DNAH12: variants seen among roughly 807,000 people sequenced by gnomAD.
The protein encoded by DNAH12 is axonemal beta dynein heavy chain 12.
DNAH12 carries 285 observed loss-of-function variants against 371.5 expected under a neutral mutation model. The observed-to-expected ratio is 0.77, with a 90% CI of 0.70 to 0.85. DNAH12 has a LOEUF of 0.85. Among genes scored for constraint, DNAH12 ranks in the 40% least tolerant of loss-of-function variants. DNAH12 has a pLI of 0.00. For missense variants in DNAH12, 3,611 were observed against 3,689.4 expected (o/e 0.98, Z 0.55); for synonymous variants, 1,200 against 1,213.0 (o/e 0.99, Z 0.22).
intron 2 of DNAH12, among the ~76,000 whole-genome samples, chr3:57,541,045 CT>C (rs2069259588): frequency 4.6e-5 from 7 of 151,208 alleles, no homozygotes; most frequent in African/African-American, 1.7e-4. Flanking sequence ...CTCCCCCTCC[CT>C]TTTATTTTTT....
intron 62 of DNAH12, among the ~76,000 whole-genome samples, chr3:57,327,675 C>T (rs2061983870): frequency 6.6e-6 from 1 of 151,702 alleles, no homozygotes; most frequent in South Asian, 2.1e-4. Context: ...CAAACACATT[C>T]AAAAGCTAGC....
In DNAH12 at chr3:57,457,803, C is replaced by T. The variant is rs118005324; in HGVS notation, c.3254G>A (p.Arg1085Gln). The T allele has an allele frequency of 1.7e-4, 264 of 1,551,444 alleles. No homozygotes were observed. Among genetic ancestry groups the T allele is most frequent in the African/African-American group, 2.3e-4 (17 of 73,014 alleles). ...AATGAGCCACTTTTCCACAGCACCC[C>T]GCGCTGCAGACGTGGAAATGAGTGC... is the stretch of plus-strand genomic sequence containing the variant. ...LIALISTSAA[R>Q]GAVEKWLIQV... The change falls in exon 22 of 74, where the codon CGG becomes CAG. Residue 1085 changes from arginine to glutamine, a missense_variant. Transcript: ENST00000495027.
chr3:57,421,696 A>G lies in DNAH12; in HGVS notation c.5384T>C (p.Ile1795Thr). 2 of 1,551,642 alleles carry G rather than the reference A, an allele frequency of 1.3e-6. No individual in the cohort carries two copies. Among genetic ancestry groups the G allele is most frequent in the Non-Finnish European group, 1.7e-6 (2 of 1,146,966 alleles). Residue 1795 changes from isoleucine to threonine, a missense_variant, in exon 36 of 74, where the codon ATA becomes ACA. Around this residue, in one of 3 missense-constraint regions of DNAH12, gnomAD observed 2,266 missense variants for 2,236.9 expected, o/e 1.01. Coordinates refer to ENST00000495027, the MANE Select transcript of DNAH12 (RefSeq NM_001366028.2). ...HIRVWIMACF[I>T]FSLIWSIGGS... Reference sequence around the variant, plus strand: ...TCCAATCGACCAAATCAAAGAGAATATAAAGCAAGCCTGTTGGTGGAGAAA... The same window carrying G: ...TCCAATCGACCAAATCAAAGAGAATGTAAAGCAAGCCTGTTGGTGGAGAAA...
In DNAH12 at chr3:57,313,400, C is replaced by T. The variant is rs143420626; in HGVS notation, c.10662+1094G>A. ...GGGCATAGTGGCTCACACCTGTAAT[C>T]TCAGCATTTTGGGAGGTGAGGCAGG... On this transcript the variant is annotated intron_variant, in intron 66 of 73. Transcript: ENST00000495027. Among the ~76,000 whole-genome samples the T allele has an allele frequency of 4.9e-3, 745 of 152,290 alleles. 2 individuals carry two copies. Among genetic ancestry groups the T allele is most frequent in the Middle Eastern group, 0.017 (5 of 294 alleles).
chr3:57,480,769 G>A (rs1378232146), intron 13 of DNAH12, among the ~76,000 whole-genome samples: 8 of 152,042 alleles, frequency 5.3e-5, no homozygotes, highest in South Asian at 2.1e-4. Context: ...TTCAACATAC[G>A]CAAATCAATA....
chr3:57,402,320 T>TTC, intron 43 of DNAH12: 5 of 1,118,670 alleles, frequency 4.5e-6, no homozygotes, highest in Non-Finnish European at 5.9e-6. Flanking sequence ...CTTTTTTTTT[T>TTC]CCACTTTGTA....
At chr3:57,295,643 C>T in intron 72 of DNAH12, 51 bp from the exon 73 acceptor site, 1 of 1,453,598 alleles carries the variant, frequency 6.9e-7, no homozygotes, top group South Asian at 1.4e-5. Context: ...AAATTCACTT[C>T]TGAGAACAGA....
rs12330891 is a variant in DNAH12 at position 57,486,752 on chromosome 3, C to T, written c.1514+2757G>A. On this transcript the variant is annotated intron_variant, in intron 12 of 73. Coordinates refer to ENST00000495027, the MANE Select transcript of DNAH12 (RefSeq NM_001366028.2). ...TGAGGATCCCTTGAGCCCAGGAGTTCGAGGTGGAAGTGAGCTATAATTGTG... is the reference window on the plus strand; with the variant it reads ...TGAGGATCCCTTGAGCCCAGGAGTTTGAGGTGGAAGTGAGCTATAATTGTG... Among the ~76,000 whole-genome samples the T allele has an allele frequency of 2.6e-3, 392 of 151,896 alleles. 4 individuals carry two copies. In the Middle Eastern group the frequency reaches 0.027, roughly 11 times the overall value.
chr3:57,417,564 T>G (rs2064419274), intron 37 of DNAH12, among the ~76,000 whole-genome samples: 1 of 152,210 alleles, frequency 6.6e-6, no homozygotes, highest in Admixed American at 6.5e-5. Context: ...ATCTGTGAAC[T>G]TGAATGACAA....
intron 60 of DNAH12, among the ~76,000 whole-genome samples, chr3:57,337,997 T>C (rs1193156069): frequency 1.3e-5 from 2 of 152,058 alleles, no homozygotes; most frequent in South Asian, 4.1e-4. Context: ...CCTTAAAAAA[T>C]TGTTTCGCTC....
intron 45 of DNAH12, among the ~76,000 whole-genome samples, chr3:57,388,471 T>A (rs1027099688): frequency 2.0e-5 from 3 of 152,122 alleles, no homozygotes; most frequent in Admixed American, 2.0e-4. Context: ...TTTTTTGGTG[T>A]CTAGCCTAAG....
chr3:57,326,059 G>T (rs368253967), intron 62 of DNAH12, among the ~76,000 whole-genome samples: 1 of 152,026 alleles, frequency 6.6e-6, no homozygotes, highest in African/African-American at 2.4e-5. Context: ...TGGGACTATG[G>T]GAAAAGACCA....
In DNAH12 at chr3:57,296,894, C is replaced by A; in HGVS notation, c.11485G>T (p.Ala3829Ser). 6.4e-7 allele frequency: 1 copy of A among 1,551,598 alleles called. No individual in the cohort carries two copies. Reference protein sequence around the residue: ...AFLTGAMQNYARKYTTPIDLL... With the variant: ...AFLTGAMQNYSRKYTTPIDLL... ...TCAATAGGGGTGGTATATTTTCTGG[C>A]ATAATTCTGCATAGCTCCAGTTAAA... Residue 3829 changes from alanine to serine, a missense_variant, in exon 71 of 74, where the codon GCC becomes TCC. Coordinates refer to ENST00000495027, the MANE Select transcript of DNAH12 (RefSeq NM_001366028.2).
chr3:57,323,645 T>C (rs1364854033), intron 62 of DNAH12, 26 bp from the exon 63 acceptor site: 4 of 1,488,396 alleles, frequency 2.7e-6, no homozygotes, highest in Non-Finnish European at 3.6e-6. Flanking sequence ...GATATGATCT[T>C]TAGAGCAACT....
intron 62 of DNAH12, among the ~76,000 whole-genome samples, chr3:57,332,885 C>A (rs367682952): frequency 7.2e-5 from 11 of 152,100 alleles, no homozygotes; most frequent in African/African-American, 2.2e-4. Context: ...AGGCCCCAGA[C>A]GGGTGGCACT....
At chr3:57,462,076 T>A (rs529536361) in intron 18 of DNAH12, among the ~76,000 whole-genome samples, 6 of 152,086 alleles carry the variant, frequency 3.9e-5, no homozygotes, top group Non-Finnish European at 5.9e-5. Context: ...CACATACATA[T>A]CACATGCCAC....
At chr3:57,338,161 C>T (rs572172932) in intron 60 of DNAH12, among the ~76,000 whole-genome samples, 6 of 152,204 alleles carry the variant, frequency 3.9e-5, no homozygotes, top group South Asian at 2.1e-4. Flanking sequence ...TGCAGGCACG[C>T]GACGCCATGC....
rs1260314051 is a variant in DNAH12, at chr3:57,323,186, C to G, written c.10204G>C (p.Gly3402Arg). ...FQAISLGQGQ[G>R]PIAAKMIKAA... ...TTAATCATTTTTGCTGCAATCGGTC[C>G]TTGTCCCTGTCCCAGTGAAATAGCT... Residue 3402 changes from glycine to arginine, a missense_variant, in exon 64 of 74, where the codon GGA becomes CGA. By Grantham distance (125) the Gly-to-Arg change is moderately radical. This residue lies in a region of DNAH12 where 2,266 missense variants were observed against 2,236.9 expected (regional missense o/e 1.01). Coordinates refer to ENST00000495027, the MANE Select transcript of DNAH12 (RefSeq NM_001366028.2). 22 of 1,552,366 alleles carry G rather than the reference C, an allele frequency of 1.4e-5. No homozygotes were observed. Among genetic ancestry groups the G allele is most frequent in the Non-Finnish European group, 1.9e-5 (22 of 1,147,158 alleles).
intron 60 of DNAH12, among the ~76,000 whole-genome samples, chr3:57,340,204 GC>G (rs2062360186): frequency 6.6e-6 from 1 of 151,828 alleles, no homozygotes; most frequent in Admixed American, 6.6e-5. Flanking sequence ...AGCAATAAAT[GC>G]CTACATTAAA....
Sources: gnomAD v4.1 joint callset for allele counts (sites outside exome capture counted in the v4.1 genomes callset) on GRCh38, gnomAD v4.1.1 for gene constraint, gnomAD v4.1.1 regional missense constraint, MANE v1.5 for transcripts, NCBI Gene and HGNC (gene_info 2026-07-23, HGNC 2026-07-21) for gene names.